The following VIPR1 variants were observed in gnomAD, a reference collection of about 807,000 sequenced individuals.
VIPR1 encodes the protein vasoactive intestinal peptide receptor 1.
In VIPR1, 59 loss-of-function variants were observed where a neutral mutation model predicts 58.8. That is an observed-to-expected ratio of 1.00 (90% CI 0.81 to 1.25). The LOEUF is 1.25. VIPR1 is among the 50% of genes most tolerant of loss of function. VIPR1 has a pLI of 0.00. For synonymous variants in VIPR1, 251 were observed against 242.1 expected (o/e 1.04, Z -0.34); for missense variants, 626 against 602.7 (o/e 1.04, Z -0.40).
chr3:42,511,334 A>G (rs1314189164), intron 1 of VIPR1, among the ~76,000 whole-genome samples: 1 of 152,190 alleles, frequency 6.6e-6, no homozygotes, highest in Non-Finnish European at 1.5e-5. Flanking sequence ...TTTCTTAATC[A>G]CTTAATCCAA....
chr3:42,513,361 A>G (rs535442905), intron 1 of VIPR1: 10 of 173,360 alleles, frequency 5.8e-5, no homozygotes, highest in African/African-American at 2.1e-4. Context: ...AGCTGGCCCC[A>G]CTCATCAGGG....
chr3:42,509,968 G>A (rs1700287188), intron 1 of VIPR1, among the ~76,000 whole-genome samples: 1 of 152,176 alleles, frequency 6.6e-6, no homozygotes. Context: ...AGGGATCTTT[G>A]TAAAATGTGT....
chr3:42,511,300 C>A (rs968246026), intron 1 of VIPR1, among the ~76,000 whole-genome samples: 7 of 152,324 alleles, frequency 4.6e-5, no homozygotes, highest in Non-Finnish European at 7.3e-5. Context: ...GGTTTCCAGT[C>A]CAGTGGGGAA....
chr3:42,522,099 ATATTTTT>A (rs1391081797), intron 3 of VIPR1, among the ~76,000 whole-genome samples: 382 of 55,178 alleles, frequency 6.9e-3, no homozygotes, highest in African/African-American at 0.036. Flanking sequence ...ATATATATAT[ATATTTTT>A]TTTTTTTTTT....
At chr3:42,535,466 A>C in intron 12 of VIPR1, 82 bp downstream of exon 12, 3 of 1,481,304 alleles carry the variant, frequency 2.0e-6, no homozygotes, top group Non-Finnish European at 2.8e-6. Context: ...ATATGTGCAG[A>C]GCAAGGACGG....
chr3:42,513,252 A>T (rs1700447809), intron 1 of VIPR1: 1 of 152,950 alleles, frequency 6.5e-6, no homozygotes, highest in African/African-American at 2.4e-5. Context: ...CTGGAATGAC[A>T]GAAGCTGGAA....
chr3:42,534,306 G>T (rs139749040), intron 10 of VIPR1: 1 of 152,348 alleles, frequency 6.6e-6, no homozygotes, highest in East Asian at 1.9e-4. Context: ...ACCCTCCCAA[G>T]TGGCCCTGGG....
chr3:42,504,849 G>A (rs1700038034), intron 1 of VIPR1, among the ~76,000 whole-genome samples: 1 of 134,442 alleles, frequency 7.4e-6, no homozygotes, highest in Admixed American at 8.5e-5. Context: ...TATCACTCCT[G>A]TTTATGGTGC....
At chr3:42,499,896 G>T, upstream of VIPR1, 1 of 152,366 alleles carries the variant, frequency 6.6e-6, no homozygotes, top group Non-Finnish European at 1.5e-5. Context: ...TCCCCCCAGT[G>T]CTTCAGAACA....
intron 2 of VIPR1, among the ~76,000 whole-genome samples, chr3:42,517,362 G>T (rs1328115420): frequency 6.6e-6 from 1 of 152,236 alleles, no homozygotes; most frequent in Non-Finnish European, 1.5e-5. Context: ...TGGCTCAGGG[G>T]TTGGGTTTTC....
rs1331176646 is a variant in VIPR1, at chr3:42,532,599, C to A, written c.1010+266C>A. 4 of 558,534 alleles carry A rather than the reference C, an allele frequency of 7.2e-6. No individual in the cohort carries two copies. The East Asian group carries it at 1.2e-4, about 17-fold the overall frequency. 34.6% of individuals were successfully genotyped at this position (558,534 alleles called of 1,614,324 possible). ...TCCCAGGTATGCATCTGCTGCCAAG[C>A]CAGGGAGCTCAAGAGGACACCGATG... On this transcript the variant is annotated intron_variant, in intron 10 of 12. Transcript: ENST00000325123.
At chr3:42,505,374 CCCCAA>C (rs1700072785) in intron 1 of VIPR1, among the ~76,000 whole-genome samples, 2 of 152,228 alleles carry the variant, frequency 1.3e-5, no homozygotes, top group Non-Finnish European at 2.9e-5. Context: ...CTCGACTTCT[CCCCAA>C]CTCTGAGGTT....
At chr3:42,535,662 A>G (rs970440466) in intron 12 of VIPR1, among the ~76,000 whole-genome samples, 1 of 152,196 alleles carries the variant, frequency 6.6e-6, no homozygotes, top group Non-Finnish European at 1.5e-5. Context: ...CCTGTGCACA[A>G]CAGAGTTTGA....
chr3:42,498,320 A>T (rs1699805746), upstream of VIPR1, among the ~76,000 whole-genome samples: 2 of 152,202 alleles, frequency 1.3e-5, no homozygotes, highest in South Asian at 4.1e-4. Context: ...AGGGTTACTA[A>T]GGCTTCTATT....
intron 1 of VIPR1, chr3:42,506,772 C>T (rs1438266069): frequency 2.0e-5 from 3 of 152,168 alleles, no homozygotes; most frequent in Non-Finnish European, 4.4e-5. Flanking sequence ...AGGTGATCCA[C>T]CTGCCTCAGC....
chr3:42,517,434 G>C (rs1478531194), intron 2 of VIPR1, among the ~76,000 whole-genome samples: 3 of 152,144 alleles, frequency 2.0e-5, no homozygotes, highest in Non-Finnish European at 4.4e-5. Flanking sequence ...GCATGGGATG[G>C]GTCCAGAGCA....
intron 10 of VIPR1, chr3:42,532,724 C>A (rs534089293): frequency 1.7e-4 from 46 of 265,526 alleles, no homozygotes; most frequent in African/African-American, 9.6e-4. Context: ...CTGGGGGAGA[C>A]CCCAGTCCAC....
At position 42,532,080 on chromosome 3, in the gene VIPR1, A is replaced by G. The variant is rs949876746; in HGVS notation, c.919-162A>G. 2 of 895,938 alleles carry G rather than the reference A, an allele frequency of 2.2e-6. 1 individual carries two copies. The allele number at this position is 895,938 out of a possible 1,614,324, so 55.5% of individuals were successfully genotyped here. A position where few individuals can be genotyped will look rare whatever the true frequency, so the allele number is the denominator to read the frequency against. ...CAGTCCTTAGGGATTTGAAGGAGGT[A>G]GAGTTCCCGGATGACCTGCCCAAAG... On this transcript the variant is annotated intron_variant, in intron 9 of 12. Coordinates refer to ENST00000325123, the MANE Select transcript of VIPR1 (RefSeq NM_004624.4).
chr3:42,532,251 A>C lies in VIPR1; in HGVS notation c.928A>C (p.Ile310Leu). 1 of 1,614,002 alleles carries C rather than the reference A, an allele frequency of 6.2e-7. No individual in the cohort carries two copies. The highest frequency in any genetic ancestry group is 1.1e-5 in the South Asian group (1 of 91,070). The change falls in exon 10 of 13, where the codon ATC (isoleucine) becomes CTC (leucine). Residue 310 changes from isoleucine to leucine, a missense_variant. Ile to Leu is a conservative substitution (Grantham distance 5). Transcript: ENST00000325123. ...GGTCCCCACCCACTAGGTAAACTTC[A>C]TCCTGTTTATTTGCATCATCCGAAT... is the stretch of plus-strand genomic sequence containing the variant. ...PILTSILVNF[I>L]LFICIIRILL...
Sources: gnomAD v4.1 joint callset for allele counts (sites outside exome capture counted in the v4.1 genomes callset) on GRCh38, gnomAD v4.1.1 for gene constraint, MANE v1.5 for transcripts, NCBI Gene and HGNC (gene_info 2026-07-23, HGNC 2026-07-21) for gene names.